The following CDIN1 variants were observed in gnomAD, a reference collection of about 807,000 sequenced individuals.
The protein encoded by CDIN1 is CDAN1-interacting nuclease 1.
In CDIN1, 33 loss-of-function variants were observed where a neutral mutation model predicts 45.3. The ratio of observed to expected loss-of-function variants is 0.73; its 90% CI spans 0.55 to 0.97. The LOEUF (loss-of-function observed/expected upper bound fraction) is 0.97, where lower values mean the gene tolerates loss of function less well. Ranked by LOEUF, CDIN1 falls within the 50% of genes least tolerant of loss-of-function variation. The pLI, the probability that CDIN1 is intolerant of heterozygous loss-of-function variation, is 0.00. For missense variants in CDIN1, 303 were observed against 339.4 expected (o/e 0.89, Z 0.84); for synonymous variants, 118 against 124.4 (o/e 0.95, Z 0.34).
intron 10 of CDIN1, among the ~76,000 whole-genome samples, chr15:36,737,074 A>G (rs1339929785): frequency 6.6e-6 from 1 of 151,824 alleles, no homozygotes; most frequent in Non-Finnish European, 1.5e-5. Flanking sequence ...AGGCTGAGGC[A>G]GAAGAATTGC....
chr15:36,795,783 A>G (rs951355615), intron 10 of CDIN1, among the ~76,000 whole-genome samples: 3 of 151,882 alleles, frequency 2.0e-5, no homozygotes, highest in Admixed American at 1.3e-4. Context: ...GCTCACTGCA[A>G]CCTCGAACTC....
At chr15:36,686,788 G>T (rs1313118970) in intron 5 of CDIN1, among the ~76,000 whole-genome samples, 1 of 137,342 alleles carries the variant, frequency 7.3e-6, no homozygotes, top group African/African-American at 2.7e-5. Flanking sequence ...GGGACAGAGG[G>T]ACAGACAGAA....
rs577489964 is a variant in CDIN1 at position 36,739,487 on chromosome 15, G to A, written c.716+29526G>A. 8.6e-4 allele frequency among the ~76,000 whole-genome samples: 131 copies of A among 152,262 alleles called. 2 individuals carry two copies. In the South Asian group the frequency reaches 0.026, roughly 30 times the overall value. The stretch of plus-strand genomic sequence containing the variant: ...GCTGTCTCCTCTCTCCCTCGCTTTG[G>A]TTTTACTGGGAAGCCCACTGCAATT... On this transcript the variant is annotated intron_variant, in intron 10 of 10. Transcript: ENST00000566621.
chr15:36,696,334 T>C (rs182162831), intron 7 of CDIN1: 3 of 152,320 alleles, frequency 2.0e-5, no homozygotes, highest in Admixed American at 6.5e-5. Flanking sequence ...TTCCTGCAGA[T>C]TACATATATT....
rs1043660947 is a variant in CDIN1, at chr15:36,580,122, A to G, written c.101+161A>G. Among the ~76,000 whole-genome samples the G allele has an allele frequency of 2.6e-5, 4 of 152,134 alleles. No individual in the cohort carries two copies. The South Asian group carries it at 8.3e-4, about 32-fold the overall frequency. On this transcript the variant is annotated intron_variant, in intron 1 of 10. Transcript: ENST00000566621. Reference sequence around the variant, plus strand: ...TTGGCGAAAAAAGGTTTATTCTTTCACTCGCCTTCCACACAAAACTCTTAA... The same window carrying G: ...TTGGCGAAAAAAGGTTTATTCTTTCGCTCGCCTTCCACACAAAACTCTTAA...
intron 1 of CDIN1, among the ~76,000 whole-genome samples, chr15:36,620,608 TA>T (rs2039139836): frequency 6.6e-6 from 1 of 152,196 alleles, no homozygotes; most frequent in Non-Finnish European, 1.5e-5. Context: ...TAAATTGTTC[TA>T]AATTTCAGAA....
intron 10 of CDIN1, among the ~76,000 whole-genome samples, chr15:36,723,723 G>C (rs2043520602): frequency 6.6e-6 from 1 of 152,140 alleles, no homozygotes; most frequent in Non-Finnish European, 1.5e-5. Context: ...GGCCACCATG[G>C]CTGGCCTGCT....
intron 10 of CDIN1, among the ~76,000 whole-genome samples, chr15:36,718,985 A>G (rs1352739348): frequency 6.6e-6 from 1 of 151,914 alleles, no homozygotes; most frequent in African/African-American, 2.4e-5. Flanking sequence ...GCACTTTGGG[A>G]GACCAGTGCA....
chr15:36,806,081 A>G (rs1170940695), intron 10 of CDIN1, among the ~76,000 whole-genome samples: 4 of 152,176 alleles, frequency 2.6e-5, no homozygotes, highest in African/African-American at 9.7e-5. Context: ...TTATTAATGA[A>G]TCCTACTCAA....
intron 1 of CDIN1, among the ~76,000 whole-genome samples, chr15:36,593,910 T>C (rs118028501): frequency 1.3e-5 from 2 of 152,328 alleles, no homozygotes; most frequent in Non-Finnish European, 2.9e-5. Flanking sequence ...CATACTAACA[T>C]ACTGATTGTG....
intron 5 of CDIN1, among the ~76,000 whole-genome samples, chr15:36,688,902 A>G (rs544470581): frequency 8.5e-5 from 13 of 152,332 alleles, no homozygotes; most frequent in Middle Eastern, 6.8e-3. Flanking sequence ...TGTGTTTGGC[A>G]GATACATCCT....
At chr15:36,641,377 G>C (rs1243318951) in intron 1 of CDIN1, 2 of 152,322 alleles carry the variant, frequency 1.3e-5, no homozygotes, top group African/African-American at 4.8e-5. Context: ...TTTTCTTCAG[G>C]TCTGTTTCCA....
chr15:36,662,854 GTTTTTTT>G (rs34007525), intron 5 of CDIN1, among the ~76,000 whole-genome samples: 1 of 122,944 alleles, frequency 8.1e-6, no homozygotes, highest in East Asian at 2.4e-4. Context: ...TCAGATTTTA[GTTTTTTT>G]TTTTTTTTTT....
intron 5 of CDIN1, among the ~76,000 whole-genome samples, chr15:36,677,233 C>T (rs1289320902): frequency 6.6e-6 from 1 of 152,092 alleles, no homozygotes; most frequent in Non-Finnish European, 1.5e-5. Flanking sequence ...CCATGTGAAC[C>T]ATGCATTCTC....
chr15:36,802,781 T>C (rs1286480110), intron 10 of CDIN1, among the ~76,000 whole-genome samples: 2 of 152,178 alleles, frequency 1.3e-5, no homozygotes, highest in African/African-American at 4.8e-5. Context: ...AACAGAAAGA[T>C]ACTTATATCA....
chr15:36,629,467 G>A (rs2039588791), intron 1 of CDIN1, among the ~76,000 whole-genome samples: 1 of 152,144 alleles, frequency 6.6e-6, no homozygotes, highest in South Asian at 2.1e-4. Context: ...ATACCATGGA[G>A]TAGAAAGATT....
intron 10 of CDIN1, among the ~76,000 whole-genome samples, chr15:36,716,050 G>A (rs1447207222): frequency 6.6e-6 from 1 of 152,096 alleles, no homozygotes; most frequent in Non-Finnish European, 1.5e-5. Flanking sequence ...TTCGTAATAA[G>A]GAGACAATTG....
intron 10 of CDIN1, among the ~76,000 whole-genome samples, chr15:36,756,513 C>T (rs1240391217): frequency 1.3e-5 from 2 of 152,142 alleles, no homozygotes; most frequent in Non-Finnish European, 2.9e-5. Flanking sequence ...TTCAAGTTTC[C>T]TTGTGGTGAT....
In CDIN1 at chr15:36,692,113, T is replaced by C. The variant is rs368595681; in HGVS notation, c.427-13T>C. The C allele has an allele frequency of 4.6e-5, 74 of 1,613,312 alleles. No individual in the cohort carries two copies. Among genetic ancestry groups the C allele is most frequent in the Admixed American group, 2.2e-4 (13 of 59,956 alleles). ...CCGCCCCACCCCAGACCCCTTTTCT[T>C]ATTTGTCTGCAGTGCATTGTGAACG... On this transcript the variant is annotated splice_polypyrimidine_tract_variant and intron_variant, in intron 6 of 10. Transcript: ENST00000566621.
Sources: gnomAD v4.1 joint callset for allele counts (sites outside exome capture counted in the v4.1 genomes callset) on GRCh38, gnomAD v4.1.1 for gene constraint, MANE v1.5 for transcripts, NCBI Gene and HGNC (gene_info 2026-07-23, HGNC 2026-07-21) for gene names.